BDKRB2: variants seen among roughly 807,000 people sequenced by gnomAD.
BDKRB2 encodes bradykinin receptor B2.
A neutral mutation model predicts 4.0 loss-of-function variants in BDKRB2; 6 were observed. That is an observed-to-expected ratio of 1.49 (90% confidence interval 0.81 to 2.93). BDKRB2 has a LOEUF of 2.93. BDKRB2 is among the 30% of genes most tolerant of loss of function. The pLI, the probability that BDKRB2 is intolerant of heterozygous loss-of-function variation, is 0.00. For synonymous variants in BDKRB2, 225 were observed against 215.3 expected (o/e 1.05, Z -0.40); for missense variants, 478 against 520.1 (o/e 0.92, Z 0.79).
At chr14:96,228,132 CGGTGACAGG>C (rs1890741016) in intron 1 of BDKRB2, among the ~76,000 whole-genome samples, 1 of 149,680 alleles carries the variant, frequency 6.7e-6, no homozygotes, top group Non-Finnish European at 1.5e-5. Context: ...TTGGGACTTG[CGGTGACAGG>C]GGTGTGGCTC....
chr14:96,226,492 T>C (rs1209403277), intron 1 of BDKRB2, among the ~76,000 whole-genome samples: 1 of 152,042 alleles, frequency 6.6e-6, no homozygotes, highest in Non-Finnish European at 1.5e-5. Context: ...CCGTCTCTAC[T>C]AAAAATACAA....
intron 1 of BDKRB2, among the ~76,000 whole-genome samples, chr14:96,230,398 T>C (rs1022599684): frequency 5.9e-5 from 9 of 152,184 alleles, no homozygotes; most frequent in African/African-American, 2.2e-4. Flanking sequence ...GTTATTCTTT[T>C]ATTTTTATGT....
At chr14:96,239,726 TA>T (rs2139799164) in intron 2 of BDKRB2, 2 of 958,768 alleles carry the variant, frequency 2.1e-6, no homozygotes, top group Admixed American at 6.2e-5. Flanking sequence ...GGACGTTAAG[TA>T]ACTTCCCCAG....
intron 1 of BDKRB2, among the ~76,000 whole-genome samples, chr14:96,205,697 C>T (rs1330542884): frequency 1.3e-5 from 2 of 152,134 alleles, no homozygotes; most frequent in African/African-American, 2.4e-5. Flanking sequence ...CGTTTTTGGG[C>T]GAGTTATTTT....
At chr14:96,237,941 A>T in intron 2 of BDKRB2, 1 of 1,217,718 alleles carries the variant, frequency 8.2e-7, no homozygotes, top group Non-Finnish European at 1.0e-6. Context: ...AGCTCATGAA[A>T]GATGACAGAC....
At chr14:96,220,819 C>T (rs943420827) in intron 1 of BDKRB2, among the ~76,000 whole-genome samples, 5 of 151,946 alleles carry the variant, frequency 3.3e-5, no homozygotes, top group Admixed American at 1.3e-4. Flanking sequence ...TACTTGAGAG[C>T]GTATATGAGA....
chr14:96,240,191 GC>G (rs1388050976), intron 2 of BDKRB2: 2 of 1,288,116 alleles, frequency 1.6e-6, no homozygotes, highest in African/African-American at 1.5e-5. Flanking sequence ...AGAACATGAG[GC>G]CCCCGTTTAG....
intron 1 of BDKRB2, among the ~76,000 whole-genome samples, chr14:96,221,936 C>G (rs1415487580): frequency 6.6e-6 from 1 of 152,064 alleles, no homozygotes; most frequent in Admixed American, 6.5e-5. Flanking sequence ...AATTGTCTTA[C>G]AATTCCGTTC....
chr14:96,214,690 C>G (rs1047051394), intron 1 of BDKRB2: 6 of 152,476 alleles, frequency 3.9e-5, no homozygotes, highest in Non-Finnish European at 8.8e-5. Context: ...CCTCATCTCT[C>G]CAGCCTCCAA....
chr14:96,230,120 C>T (rs1890785000), intron 1 of BDKRB2, among the ~76,000 whole-genome samples: 2 of 150,612 alleles, frequency 1.3e-5, no homozygotes, highest in Non-Finnish European at 2.9e-5. Context: ...GGCTACAGAG[C>T]GAGACTCCGT....
intron 1 of BDKRB2, chr14:96,234,218 G>A (rs1465401273): frequency 6.6e-6 from 1 of 152,278 alleles, no homozygotes; most frequent in African/African-American, 2.4e-5. Context: ...CAGCATATTG[G>A]GGTTCTGCGA....
intron 1 of BDKRB2, among the ~76,000 whole-genome samples, chr14:96,213,552 C>T (rs1890352592): frequency 6.6e-6 from 1 of 151,158 alleles, no homozygotes; most frequent in Non-Finnish European, 1.5e-5. Context: ...ACACAAGTTG[C>T]TTCTTTGCTG....
chr14:96,230,290 G>C (rs1157948139), intron 1 of BDKRB2, among the ~76,000 whole-genome samples: 1 of 152,278 alleles, frequency 6.6e-6, no homozygotes, highest in Non-Finnish European at 1.5e-5. Flanking sequence ...TAAAACCACG[G>C]TGACAGAACA....
At chr14:96,237,575 C>A in intron 2 of BDKRB2, 1 of 1,156,616 alleles carries the variant, frequency 8.6e-7, no homozygotes, top group Non-Finnish European at 1.1e-6. Flanking sequence ...GATCAGAACA[C>A]CCTAAAGAGA....
chr14:96,241,120 A>T lies in BDKRB2; in HGVS notation c.792A>T (p.Thr264=), dbSNP rs5224. 1.9e-6 allele frequency: 3 copies of T among 1,612,968 alleles called. No homozygotes were observed. The highest frequency in any genetic ancestry group is 2.7e-5 in the African/African-American group (2 of 74,920). The change falls in exon 3 of 3, where the codon ACA becomes ACT. Residue 264 remains threonine (T), a synonymous_variant. Transcript: ENST00000554311. ...TGCAGAAGTTCAAGGAGATCCAGAC[A>T]GAGAGGAGGGCCACGGTGCTAGTCC... ...NEMQKFKEIQ[T]ERRATVLVLV...
At chr14:96,232,488 A>G (rs1323598832) in intron 1 of BDKRB2, among the ~76,000 whole-genome samples, 1 of 152,230 alleles carries the variant, frequency 6.6e-6, no homozygotes, top group Non-Finnish European at 1.5e-5. Flanking sequence ...CTGTACAACC[A>G]TTTCTTTAGT....
chr14:96,223,656 G>A (rs997796205), intron 1 of BDKRB2, among the ~76,000 whole-genome samples: 5 of 152,114 alleles, frequency 3.3e-5, no homozygotes, highest in African/African-American at 9.7e-5. Flanking sequence ...GACCATGGCT[G>A]TTACAGGGAT....
rs554342972 is a variant in BDKRB2, at chr14:96,236,094, G to A, written c.-39-975G>A. On this transcript the variant is annotated intron_variant, in intron 1 of 2. Coordinates refer to ENST00000554311, the MANE Select transcript of BDKRB2 (RefSeq NM_001379692.1). ...TTGAAGAGGGGTAGAGACAAGGGTC[G>A]TCAATGGAAGCCCCTTGGGCAAAAA... 9.1e-4 allele frequency among the ~76,000 whole-genome samples: 139 copies of A among 152,274 alleles called. 1 individual carries two copies. Among genetic ancestry groups the A allele is most frequent in the Non-Finnish European group, 1.6e-3 (109 of 68,022 alleles).
chr14:96,236,461 G>A (rs1890935904), intron 1 of BDKRB2, among the ~76,000 whole-genome samples: 1 of 152,168 alleles, frequency 6.6e-6, no homozygotes, highest in Non-Finnish European at 1.5e-5. Context: ...GGAGATGGAA[G>A]CCATGACACC....
Sources: allele counts gnomAD v4.1 joint callset (sites outside exome capture counted in the v4.1 genomes callset), GRCh38; gene constraint gnomAD v4.1.1; transcripts MANE v1.5; gene names NCBI Gene and HGNC (gene_info 2026-07-23, HGNC 2026-07-21).